BMPER: variants seen among roughly 807,000 people sequenced by gnomAD.
BMPER encodes BMP-binding endothelial regulator protein.
In BMPER, 45 loss-of-function variants were observed where a neutral mutation model predicts 87.3. The observed-to-expected ratio is 0.52, with a 90% confidence interval of 0.41 to 0.66. The LOEUF (loss-of-function observed/expected upper bound fraction) is 0.66, where lower values mean the gene tolerates loss of function less well. BMPER is among the 30% of genes least tolerant of loss of function. The probability of loss-of-function intolerance (pLI) is 0.00; values close to 1 mark genes in which losing one functional copy is unlikely to be tolerated. For missense variants in BMPER, 784 were observed against 867.5 expected (o/e 0.90, Z 1.21); for synonymous variants, 326 against 316.2 (o/e 1.03, Z -0.33).
intron 6 of BMPER, among the ~76,000 whole-genome samples, chr7:33,995,346 C>T (rs1272110829): frequency 6.6e-6 from 1 of 151,972 alleles, no homozygotes. Flanking sequence ...TTTGTGGGTT[C>T]TGTTTGCAGA....
chr7:34,071,018 T>C (rs902562475), intron 11 of BMPER, among the ~76,000 whole-genome samples: 4 of 152,138 alleles, frequency 2.6e-5, no homozygotes, highest in African/African-American at 9.7e-5. Flanking sequence ...TCTGGTGCGA[T>C]TGGCCTCCTG....
chr7:33,905,830 G>GGGGGGGGGGGGGGGCCC, intron 1 of BMPER, 84 bp downstream of exon 1: 1 of 1,252,930 alleles, frequency 8.0e-7, no homozygotes, highest in Non-Finnish European at 1.1e-6. Context: ...CCCCGGGGAT[G>GGGGGGGGGGGGGGGCCC]GGAGGGTGGG....
intron 6 of BMPER, among the ~76,000 whole-genome samples, chr7:34,027,102 A>AT (rs1456329204): frequency 6.6e-6 from 1 of 151,768 alleles, no homozygotes; most frequent in Non-Finnish European, 1.5e-5. Flanking sequence ...GGTTATGAGA[A>AT]TTACTGCATG....
At chr7:34,085,665 A>T (rs1789179046) in intron 12 of BMPER, 91 bp from the exon 13 acceptor site, 2 of 1,203,602 alleles carry the variant, frequency 1.7e-6, no homozygotes, top group East Asian at 5.0e-5. Context: ...GAGGACAGTC[A>T]GTCATATGTT....
At chr7:34,058,894 G>C (rs2127963758) in intron 10 of BMPER, among the ~76,000 whole-genome samples, 1 of 152,158 alleles carries the variant, frequency 6.6e-6, no homozygotes, top group South Asian at 2.1e-4. Context: ...CTCTGTTATA[G>C]ACAGCTTTTA....
intron 6 of BMPER, among the ~76,000 whole-genome samples, chr7:34,022,937 G>T (rs926419966): frequency 5.3e-5 from 8 of 151,958 alleles, no homozygotes; most frequent in Non-Finnish European, 1.5e-5. Flanking sequence ...GTTGACACGT[G>T]ATCTGAGGGG....
At chr7:34,019,779 A>T (rs1398822187) in intron 6 of BMPER, among the ~76,000 whole-genome samples, 1 of 151,952 alleles carries the variant, frequency 6.6e-6, no homozygotes, top group Non-Finnish European at 1.5e-5. Flanking sequence ...ACACACTAGC[A>T]ATTACAGAGT....
chr7:34,057,290 C>A (rs903306415), intron 9 of BMPER, among the ~76,000 whole-genome samples: 4 of 152,212 alleles, frequency 2.6e-5, no homozygotes, highest in Non-Finnish European at 5.9e-5. Flanking sequence ...TGCCTGTCCT[C>A]CAGAGGTACA....
At chr7:33,994,108 CAGAGG>C (rs1309283597) in intron 6 of BMPER, among the ~76,000 whole-genome samples, 1 of 124,210 alleles carries the variant, frequency 8.1e-6, no homozygotes, top group Non-Finnish European at 1.9e-5. Flanking sequence ...GTGGAGCCTA[CAGAGG>C]CAGGCAGGCC....
chr7:34,057,991 T>A (rs1336647797), intron 9 of BMPER, 68 bp from the exon 10 acceptor site: 8 of 1,394,882 alleles, frequency 5.7e-6, no homozygotes, highest in Non-Finnish European at 8.1e-6. Flanking sequence ...CATGGAGAGG[T>A]TACAGTCTGT....
chr7:34,065,142 A>G (rs1223541313), intron 11 of BMPER, among the ~76,000 whole-genome samples: 2 of 151,894 alleles, frequency 1.3e-5, no homozygotes, highest in Non-Finnish European at 2.9e-5. Context: ...ACTAATTTAT[A>G]TCTTATTAAA....
intron 6 of BMPER, among the ~76,000 whole-genome samples, chr7:34,026,125 G>A (rs376556075): frequency 1.3e-5 from 2 of 152,016 alleles, no homozygotes; most frequent in African/African-American, 4.8e-5. Context: ...AGTCCCTCTG[G>A]TGAGCTGGGA....
intron 11 of BMPER, among the ~76,000 whole-genome samples, chr7:34,068,270 C>G (rs1788645461): frequency 2.6e-5 from 4 of 152,182 alleles, no homozygotes. Context: ...GAATTCCAAC[C>G]AGGTAGCTGG....
intron 3 of BMPER, among the ~76,000 whole-genome samples, chr7:33,965,804 T>C (rs1254039583): frequency 6.6e-6 from 1 of 152,254 alleles, no homozygotes; most frequent in Non-Finnish European, 1.5e-5. Flanking sequence ...GGCTTATTTC[T>C]TCTTTTGAAG....
intron 6 of BMPER, among the ~76,000 whole-genome samples, chr7:34,007,360 C>G (rs901918633): frequency 8.5e-5 from 13 of 152,110 alleles, no homozygotes; most frequent in African/African-American, 3.1e-4. Context: ...TGCACATGTA[C>G]ATTCCTAAGC....
At chr7:34,153,059 C>T in intron 14 of BMPER, 33 bp from the exon 15 acceptor site, 4 of 1,613,120 alleles carry the variant, frequency 2.5e-6, no homozygotes, top group Middle Eastern at 3.3e-4. Flanking sequence ...GGCCTTTCTC[C>T]ATGTTATGCC....
rs1331892222 is a variant in BMPER at position 34,153,360 on chromosome 7, C to T, written c.*87C>T. 10 of 1,391,672 alleles carry T rather than the reference C, an allele frequency of 7.2e-6. No homozygotes were observed. The highest frequency in any genetic ancestry group is 8.1e-6 in the Non-Finnish European group (8 of 982,424). 86.2% of individuals were successfully genotyped at this position (1,391,672 alleles called of 1,614,324 possible). A position where few individuals can be genotyped will look rare whatever the true frequency, so the allele number is the denominator to read the frequency against. On this transcript the variant is annotated 3_prime_UTR_variant, in exon 15 of 15. Coordinates refer to ENST00000649409, the MANE Select transcript of BMPER (RefSeq NM_001365308.1). The stretch of plus-strand genomic sequence containing the variant: ...AATGAAGGACTGCAGTATTTGTGTG[C>T]CCGATTCTGTAAACACACACACACA...
At chr7:34,072,617 GC>G (rs1379812366) in intron 11 of BMPER, among the ~76,000 whole-genome samples, 1 of 152,008 alleles carries the variant, frequency 6.6e-6, no homozygotes, top group Non-Finnish European at 1.5e-5. Flanking sequence ...TTTCAGAAGT[GC>G]CCATCTTGAG....
At chr7:33,924,990 C>T (rs1343409586) in intron 2 of BMPER, among the ~76,000 whole-genome samples, 1 of 152,170 alleles carries the variant, frequency 6.6e-6, no homozygotes, top group Non-Finnish European at 1.5e-5. Flanking sequence ...TCACTGTCTC[C>T]AACAGCCTCA....
Sources: allele counts gnomAD v4.1 joint callset (sites outside exome capture counted in the v4.1 genomes callset), GRCh38; gene constraint gnomAD v4.1.1; transcripts MANE v1.5; gene names NCBI Gene and HGNC (gene_info 2026-07-23, HGNC 2026-07-21).